The following RPH3A variants were observed in gnomAD, a reference collection of about 807,000 sequenced individuals.
RPH3A encodes the protein rabphilin-3A.
A neutral mutation model predicts 102.2 loss-of-function variants in RPH3A; 48 were observed. The ratio of observed to expected loss-of-function variants is 0.47; its 90% CI spans 0.37 to 0.60. The LOEUF is 0.60. Ranked by LOEUF, RPH3A falls within the 20% of genes least tolerant of loss-of-function variation. RPH3A has a pLI of 0.00. For synonymous variants in RPH3A, 310 were observed against 324.3 expected, an observed-to-expected ratio of 0.96 and a Z score of 0.47; for missense variants, 781 against 910.1, an observed-to-expected ratio of 0.86 and a Z score of 1.83.
At chr12:112,661,028 A>T (rs2040045310) in intron 1 of RPH3A, among the ~76,000 whole-genome samples, 1 of 152,160 alleles carries the variant, frequency 6.6e-6, no homozygotes, top group South Asian at 2.1e-4. Flanking sequence ...TTCTGGCCTC[A>T]TAGAGGCTTA....
chr12:112,783,570 T>C (rs559470495), intron 1 of RPH3A, among the ~76,000 whole-genome samples: 3 of 152,244 alleles, frequency 2.0e-5, no homozygotes, highest in African/African-American at 7.2e-5. Flanking sequence ...ATGAACAAAG[T>C]GAAGGTAATA....
chr12:112,653,631 T>A (rs766592587), intron 1 of RPH3A, among the ~76,000 whole-genome samples: 1 of 152,162 alleles, frequency 6.6e-6, no homozygotes, highest in Non-Finnish European at 1.5e-5. Context: ...CTTTATATAC[T>A]TAAAAAAACC....
At chr12:112,643,423 A>ATGTG (rs562473123) in intron 1 of RPH3A, among the ~76,000 whole-genome samples, 52 of 152,248 alleles carry the variant, frequency 3.4e-4, no homozygotes, top group Non-Finnish European at 6.5e-4. Context: ...AGAGTTAAGC[A>ATGTG]TGTGTGTGTT....
intron 1 of RPH3A, among the ~76,000 whole-genome samples, chr12:112,764,752 G>A (rs1311207555): frequency 6.6e-6 from 1 of 151,680 alleles, no homozygotes; most frequent in Non-Finnish European, 1.5e-5. Flanking sequence ...TATGGCTCTG[G>A]CCCCTGGGCT....
intron 1 of RPH3A, among the ~76,000 whole-genome samples, chr12:112,663,097 A>T (rs2040060395): frequency 7.3e-6 from 1 of 136,710 alleles, no homozygotes; most frequent in Non-Finnish European, 1.5e-5. Flanking sequence ...TGAAAGAGAG[A>T]GAGAGAGAGC....
At chr12:112,889,778 C>T (rs1331094055) in intron 17 of RPH3A, among the ~76,000 whole-genome samples, 1 of 152,206 alleles carries the variant, frequency 6.6e-6, no homozygotes, top group Non-Finnish European at 1.5e-5. Flanking sequence ...TCAGCATCCT[C>T]ATTTGTAAAA....
chr12:112,819,855 TA>T (rs1043546301), intron 2 of RPH3A, among the ~76,000 whole-genome samples: 2 of 152,214 alleles, frequency 1.3e-5, no homozygotes, highest in African/African-American at 4.8e-5. Context: ...GCAGGGTTGC[TA>T]AAAAAATAGC....
At chr12:112,651,959 T>C (rs1056269964) in intron 1 of RPH3A, 4 of 152,244 alleles carry the variant, frequency 2.6e-5, no homozygotes, top group African/African-American at 9.6e-5. Context: ...AATATTTCAT[T>C]GTATGGCTAG....
At chr12:112,783,134 G>T (rs530587438) in intron 1 of RPH3A, among the ~76,000 whole-genome samples, 2 of 152,266 alleles carry the variant, frequency 1.3e-5, no homozygotes, top group Admixed American at 1.3e-4. Context: ...ATCGTGGGGT[G>T]AGCTCGTCTC....
intron 1 of RPH3A, among the ~76,000 whole-genome samples, chr12:112,678,167 AGCC>A (rs1271805091): frequency 3.2e-4 from 49 of 151,266 alleles, no homozygotes; most frequent in African/African-American, 1.1e-3. Flanking sequence ...ACTGCACTCC[AGCC>A]TGGGCAACAG....
chr12:112,689,398 A>G (rs554259357), intron 1 of RPH3A, among the ~76,000 whole-genome samples: 17 of 152,364 alleles, frequency 1.1e-4, no homozygotes, highest in African/African-American at 3.8e-4. Context: ...CTCCCTATTT[A>G]TAAGTACTGT....
At chr12:112,789,887 C>CAAAAA (rs144494791), upstream of RPH3A, among the ~76,000 whole-genome samples, 1 of 70,782 alleles carries the variant, frequency 1.4e-5, no homozygotes, top group African/African-American at 4.6e-5. Flanking sequence ...CCCATCTCTG[C>CAAAAA]AAAAAAAAAA....
intron 2 of RPH3A, among the ~76,000 whole-genome samples, chr12:112,797,795 C>T (rs1041712751): frequency 2.0e-5 from 3 of 151,846 alleles, no homozygotes; most frequent in African/African-American, 4.8e-5. Flanking sequence ...TGGGCTCAAG[C>T]GATCCTCTTG....
intron 1 of RPH3A, among the ~76,000 whole-genome samples, chr12:112,710,211 C>T (rs1285630892): frequency 6.6e-6 from 1 of 152,154 alleles, no homozygotes; most frequent in Admixed American, 6.5e-5. Context: ...CTCCTGACCT[C>T]GTGATCCGCC....
intron 1 of RPH3A, among the ~76,000 whole-genome samples, chr12:112,642,182 A>T (rs1160111599): frequency 6.6e-6 from 1 of 152,226 alleles, no homozygotes; most frequent in East Asian, 1.9e-4. Flanking sequence ...AATTCCGGCA[A>T]CTACCATTTA....
At chr12:112,729,929 T>G (rs1186687298) in intron 1 of RPH3A, among the ~76,000 whole-genome samples, 1 of 152,176 alleles carries the variant, frequency 6.6e-6, no homozygotes. Context: ...CCAGTAAGGT[T>G]ATAGCTGGAG....
intron 1 of RPH3A, among the ~76,000 whole-genome samples, chr12:112,655,563 CTTTTTTT>C (rs71086113): frequency 5.4e-5 from 3 of 55,584 alleles, no homozygotes; most frequent in South Asian, 8.0e-4. Context: ...TTTTGTTGGT[CTTTTTTT>C]TTTTTTTTTT....
intron 1 of RPH3A, among the ~76,000 whole-genome samples, chr12:112,700,241 G>A (rs955132886): frequency 2.0e-5 from 3 of 152,052 alleles, no homozygotes. Context: ...AGCTAATTTT[G>A]TATTTTTAGG....
At chr12:112,633,158 C>T (rs1391488204) in intron 1 of RPH3A, among the ~76,000 whole-genome samples, 3 of 152,132 alleles carry the variant, frequency 2.0e-5, no homozygotes, top group Non-Finnish European at 4.4e-5. Flanking sequence ...TATGATCATG[C>T]TGCTGCACTC....
Sources: gnomAD v4.1 joint callset for allele counts (sites outside exome capture counted in the v4.1 genomes callset) on GRCh38, gnomAD v4.1.1 for gene constraint, MANE v1.5 for transcripts, NCBI Gene and HGNC (gene_info 2026-07-23, HGNC 2026-07-21) for gene names.